Variants in PIK3R5 observed in about 807,000 individuals in gnomAD.
PIK3R5 encodes the protein phosphoinositide-3-kinase regulatory subunit 5, also known as phosphoinositide 3-kinase regulatory subunit 5.
In PIK3R5, 32 loss-of-function variants were observed where a neutral mutation model predicts 94.9. The observed-to-expected ratio is 0.34, with a 90% CI of 0.25 to 0.45. The LOEUF (loss-of-function observed/expected upper bound fraction) is 0.45, where lower values mean the gene tolerates loss of function less well. Ranked by LOEUF, PIK3R5 falls within the 20% of genes least tolerant of loss-of-function variation. The pLI, the probability that PIK3R5 is intolerant of heterozygous loss-of-function variation, is 1.00. For missense variants in PIK3R5, 853 were observed against 1,144.6 expected (o/e 0.75, Z 3.68); for synonymous variants, 443 against 479.4 (o/e 0.92, Z 0.99).
chr17:8,882,763 G>C lies in PIK3R5; in HGVS notation c.2206-882C>G, dbSNP rs2089711707. ...CAGTCACAGAGGAGTGACTCCAGGA[G>C]TCTGGCCTCTCCTTTCCTAACCCAT... is the stretch of plus-strand genomic sequence containing the variant. On this transcript the variant is annotated intron_variant, in intron 15 of 18. Transcript: ENST00000447110. This position sits in a 1 kb window ranked among gnomAD's most constrained non-coding sequence, Gnocchi z 4.1. Among the ~76,000 whole-genome samples the C allele has an allele frequency of 6.6e-6, 1 of 151,964 alleles. No homozygotes were observed. Among genetic ancestry groups the C allele is most frequent in the African/African-American group, 2.4e-5 (1 of 41,308 alleles).
intron 1 of PIK3R5, among the ~76,000 whole-genome samples, chr17:8,929,126 A>T (rs932812300): frequency 1.3e-5 from 2 of 152,234 alleles, no homozygotes; most frequent in African/African-American, 4.8e-5. Flanking sequence ...AAAATAAAAA[A>T]TGAATTCTAA....
intron 10 of PIK3R5, 131 bp from the exon 11 acceptor site, chr17:8,887,814 G>C: frequency 1.4e-6 from 1 of 729,542 alleles, no homozygotes; most frequent in Non-Finnish European, 2.2e-6. Context: ...TCAACAGAGG[G>C]AAACCCCATC....
At chr17:8,942,289 C>G (rs986797792) in intron 1 of PIK3R5, among the ~76,000 whole-genome samples, 1 of 152,114 alleles carries the variant, frequency 6.6e-6, no homozygotes, top group Non-Finnish European at 1.5e-5. Context: ...TGACCTCTGC[C>G]GGCCTGACCC....
rs2089961388 is a variant in PIK3R5 at position 8,889,201 on chromosome 17, A to G, written c.833T>C (p.Leu278Pro). The change falls in exon 9 of 19, where the codon CTC becomes CCC. Residue 278 changes from leucine (L) to proline (P), a missense_variant. Coordinates refer to ENST00000447110, the MANE Select transcript of PIK3R5 (RefSeq NM_001142633.3). This position sits in a 1 kb window ranked among gnomAD's most constrained non-coding sequence, Gnocchi z 4.1. ...GGCGACAGGGATGGGGATGGTGTGG[A>G]GCTTCCCTGGTTTTGCAGTGTCTGT... The part of the protein sequence containing the change: ...GVLDTAKPGK[L>P]HTIPIPVARC... 6.2e-7 allele frequency: 1 copy of G among 1,613,764 alleles called. No homozygotes were observed. The highest frequency in any genetic ancestry group is 1.3e-5 in the African/African-American group (1 of 74,896).
chr17:8,898,402 C>T (rs1031460290), intron 5 of PIK3R5, among the ~76,000 whole-genome samples: 3 of 152,206 alleles, frequency 2.0e-5, no homozygotes, highest in African/African-American at 7.2e-5. Flanking sequence ...AAAAGACAGC[C>T]TGGGCAACCC....
chr17:8,909,113 G>C lies in PIK3R5; in HGVS notation c.165C>G (p.Phe55Leu). The change falls in exon 3 of 19, where the codon TTC becomes TTG. Residue 55 changes from phenylalanine to leucine, a missense_variant. By Grantham distance (22) the Phe-to-Leu change is conservative. This residue lies in a region of PIK3R5 where 108 missense variants were observed against 170.1 expected (regional missense o/e 0.63). Coordinates refer to ENST00000447110, the MANE Select transcript of PIK3R5 (RefSeq NM_001142633.3). This position sits in a 1 kb window ranked among gnomAD's most constrained non-coding sequence, Gnocchi z 4.3. ...QELVSRDPGH[F>L]LILLEQILQK... is the part of the protein sequence containing the mutation. ...GCAGGATCTGCTCAAGGAGGATAAG[G>C]AAGTGGCCCGGGTCCCTGCTGACCA... The C allele has an allele frequency of 1.2e-6, 2 of 1,609,908 alleles. No individual in the cohort carries two copies. Among genetic ancestry groups the C allele is most frequent in the Non-Finnish European group, 1.7e-6 (2 of 1,177,858 alleles).
intron 5 of PIK3R5, among the ~76,000 whole-genome samples, chr17:8,903,388 C>T (rs928835129): frequency 2.6e-5 from 4 of 151,354 alleles, no homozygotes; most frequent in Admixed American, 2.6e-4. Flanking sequence ...GGAAATATTT[C>T]CTTCTTACTC....
intron 1 of PIK3R5, among the ~76,000 whole-genome samples, chr17:8,964,810 T>C (rs2091635709): frequency 6.6e-6 from 1 of 152,144 alleles, no homozygotes; most frequent in South Asian, 2.1e-4. Flanking sequence ...TTGGCCTACT[T>C]TTAGCCCTTA....
chr17:8,949,351 G>A (rs1003790205), intron 1 of PIK3R5, among the ~76,000 whole-genome samples: 1 of 152,166 alleles, frequency 6.6e-6, no homozygotes, highest in South Asian at 2.1e-4. Context: ...GAAAGGGTCC[G>A]ATATTGAAAC....
chr17:8,933,914 G>A (rs989605049), intron 1 of PIK3R5, among the ~76,000 whole-genome samples: 7 of 152,020 alleles, frequency 4.6e-5, no homozygotes, highest in African/African-American at 7.2e-5. Context: ...CTCAACCCCC[G>A]TTTATAAGAA....
At chr17:8,936,759 A>G (rs1008621991) in intron 1 of PIK3R5, among the ~76,000 whole-genome samples, 5 of 152,146 alleles carry the variant, frequency 3.3e-5, no homozygotes, top group Non-Finnish European at 7.4e-5. Flanking sequence ...TTCTTTTCAT[A>G]TAAGTGTTAG....
At chr17:8,946,533 A>G (rs988480491) in intron 1 of PIK3R5, among the ~76,000 whole-genome samples, 3 of 151,810 alleles carry the variant, frequency 2.0e-5, no homozygotes, top group African/African-American at 4.8e-5. Context: ...AAGGGCCCTC[A>G]GAGGCTGTCC....
rs2091365088 is a variant in PIK3R5 at position 8,950,924 on chromosome 17, T to C, written c.-14+14672A>G. ...AATTTACGCTCCCACCAACAATGTG[T>C]AAGTGTTCCCTTCTCTCCACAGCCT... On this transcript the variant is annotated intron_variant, in intron 1 of 18. Transcript: ENST00000447110. Among the ~76,000 whole-genome samples, 6 of 152,300 alleles carry C rather than the reference T, an allele frequency of 3.9e-5. No individual in the cohort carries two copies. In the South Asian group the frequency reaches 1.2e-3, roughly 32 times the overall value.
intron 10 of PIK3R5, among the ~76,000 whole-genome samples, chr17:8,887,916 G>A (rs1029579022): frequency 5.3e-5 from 8 of 150,396 alleles, no homozygotes; most frequent in African/African-American, 1.5e-4. Flanking sequence ...CACAAGAATC[G>A]CTTGAACTGG....
At chr17:8,952,803 A>C (rs1228380429) in intron 1 of PIK3R5, among the ~76,000 whole-genome samples, 1 of 152,134 alleles carries the variant, frequency 6.6e-6, no homozygotes, top group Non-Finnish European at 1.5e-5. Context: ...AGCCAACGAG[A>C]AGTAAGCCTG....
chr17:8,915,967 A>G (rs1383479962), intron 1 of PIK3R5: 1 of 151,872 alleles, frequency 6.6e-6, no homozygotes, highest in Admixed American at 6.6e-5. Context: ...CTTCCCCCCA[A>G]CCCCACCCTG....
At chr17:8,957,007 T>G (rs1404138322) in intron 1 of PIK3R5, among the ~76,000 whole-genome samples, 1 of 152,198 alleles carries the variant, frequency 6.6e-6, no homozygotes, top group Non-Finnish European at 1.5e-5. Context: ...GAGAACGGGC[T>G]GTGAAGCAGG....
At chr17:8,931,068 G>A (rs938357886) in intron 1 of PIK3R5, among the ~76,000 whole-genome samples, 1 of 152,152 alleles carries the variant, frequency 6.6e-6, no homozygotes, top group Non-Finnish European at 1.5e-5. Context: ...TTATTTCATA[G>A]AATGACATAT....
At chr17:8,924,172 G>A (rs1295510943) in intron 1 of PIK3R5, among the ~76,000 whole-genome samples, 1 of 150,450 alleles carries the variant, frequency 6.6e-6, no homozygotes, top group Non-Finnish European at 1.5e-5. Flanking sequence ...TTGACCTCCT[G>A]GGCTCAAGCG....
Sources: allele counts gnomAD v4.1 joint callset (sites outside exome capture counted in the v4.1 genomes callset), GRCh38; gene constraint gnomAD v4.1.1; regional missense constraint gnomAD v4.1.1; non-coding constraint Gnocchi (gnomAD v3.1); transcripts MANE v1.5; gene names NCBI Gene and HGNC (gene_info 2026-07-23, HGNC 2026-07-21).